Variants in SLC66A2 observed in about 807,000 individuals in gnomAD.
SLC66A2 encodes the protein solute carrier family 66 member 2, also known as PQ loop repeat containing 1.
SLC66A2 carries 23 observed loss-of-function variants against 25.5 expected under a neutral mutation model. That is an observed-to-expected ratio of 0.90 (90% confidence interval 0.65 to 1.28). The LOEUF is 1.28. SLC66A2 is among the 50% of genes most tolerant of loss of function. The probability of loss-of-function intolerance (pLI) is 0.00; values close to 1 mark genes in which losing one functional copy is unlikely to be tolerated. For synonymous variants in SLC66A2, 193 were observed against 166.5 expected, an observed-to-expected ratio of 1.16 and a Z score of -1.23; for missense variants, 396 against 373.1, an observed-to-expected ratio of 1.06 and a Z score of -0.51.
chr18:79,939,426 G>C (rs1382175755), intron 3 of SLC66A2, among the ~76,000 whole-genome samples: 1 of 152,150 alleles, frequency 6.6e-6, no homozygotes, highest in African/African-American at 2.4e-5. Flanking sequence ...CATAGCAAAA[G>C]AAACTATCAA....
At chr18:79,944,486 G>C (rs1394364492) in intron 2 of SLC66A2, 1 of 152,314 alleles carries the variant, frequency 6.6e-6, no homozygotes, top group Non-Finnish European at 1.5e-5. Flanking sequence ...AGCCTCTGCA[G>C]GGCAGAACCA....
intron 3 of SLC66A2, among the ~76,000 whole-genome samples, chr18:79,938,271 T>C (rs544715074): frequency 6.6e-6 from 1 of 152,286 alleles, no homozygotes; most frequent in South Asian, 2.1e-4. Context: ...CTTGAAATTC[T>C]CCATAATGCA....
intron 2 of SLC66A2, among the ~76,000 whole-genome samples, chr18:79,947,529 TC>T (rs2050966491): frequency 3.1e-5 from 1 of 32,326 alleles, no homozygotes; most frequent in African/African-American, 1.0e-4. Context: ...AGATTCGAAC[TC>T]CACCTCTGCT....
At chr18:79,908,387 G>T (rs1982445515) in intron 5 of SLC66A2, among the ~76,000 whole-genome samples, 1 of 151,694 alleles carries the variant, frequency 6.6e-6, no homozygotes, top group Non-Finnish European at 1.5e-5. Context: ...TGAAAAATGT[G>T]CCACTTCCTT....
chr18:79,929,201 C>G (rs1365576550), intron 4 of SLC66A2, among the ~76,000 whole-genome samples: 1 of 152,224 alleles, frequency 6.6e-6, no homozygotes, highest in Non-Finnish European at 1.5e-5. Context: ...GGGAACAGAA[C>G]CACCACCAAA....
At chr18:79,913,606 CGCACGCGCGCATG>C (rs576953130) in intron 5 of SLC66A2, among the ~76,000 whole-genome samples, 1 of 152,336 alleles carries the variant, frequency 6.6e-6, no homozygotes, top group South Asian at 2.1e-4. Context: ...TGTGCATGCG[CGCACGCGCGCATG>C]GAGGCAACTG....
intron 5 of SLC66A2, among the ~76,000 whole-genome samples, chr18:79,907,354 T>TTTG (rs1982280732): frequency 1.5e-4 from 1 of 6,890 alleles, no homozygotes; most frequent in Non-Finnish European, 1.1e-3. Flanking sequence ...TTTTTGGTTG[T>TTTG]TTTTTTTTTT....
At chr18:79,942,997 G>A (rs573856482) in intron 3 of SLC66A2, among the ~76,000 whole-genome samples, 30 of 152,296 alleles carry the variant, frequency 2.0e-4, no homozygotes, top group Admixed American at 1.4e-3. Context: ...ACCTGGTACC[G>A]TCTGACCTGA....
In SLC66A2 at chr18:79,927,868, C is replaced by T. The variant is rs527526955; in HGVS notation, c.391+6101G>A. ...AGACAGACAAGCGCTCACCGCCGCA[C>T]TGCCCTAACAGCTGCTGAGACACAT... On this transcript the variant is annotated intron_variant, in intron 4 of 5. Transcript: ENST00000397778. This position sits in a 1 kb window ranked among gnomAD's most constrained non-coding sequence, Gnocchi z 6.2. Among the ~76,000 whole-genome samples the T allele has an allele frequency of 7.2e-5, 11 of 152,372 alleles. No individual in the cohort carries two copies. The East Asian group carries it at 1.7e-3, about 24-fold the overall frequency.
chr18:79,906,260 C>T (rs1026764834), intron 5 of SLC66A2, among the ~76,000 whole-genome samples: 14 of 152,026 alleles, frequency 9.2e-5, no homozygotes, highest in African/African-American at 1.7e-4. Context: ...GTGTTAGCTC[C>T]GTTATTTCCT....
At chr18:79,916,104 GCAGTGCTCCCGTACC>G (rs1984027782) in intron 5 of SLC66A2, 3 of 153,556 alleles carry the variant, frequency 2.0e-5, no homozygotes, top group African/African-American at 1.0e-4. Flanking sequence ...TCTCATACCC[GCAGTGCTCCCGTACC>G]CTCCCATACC....
At chr18:79,944,727 T>C (rs983171601) in intron 2 of SLC66A2, 7 of 152,420 alleles carry the variant, frequency 4.6e-5, no homozygotes, top group African/African-American at 1.4e-4. Flanking sequence ...CATGTCAAAG[T>C]CAGGAGATCC....
intron 4 of SLC66A2, among the ~76,000 whole-genome samples, chr18:79,924,084 C>T (rs867545564): frequency 3.0e-4 from 46 of 151,124 alleles, no homozygotes; most frequent in Middle Eastern, 7.1e-3. Context: ...ACACGCCAAA[C>T]ACCCTCAATT....
intron 5 of SLC66A2, among the ~76,000 whole-genome samples, chr18:79,913,388 T>C (rs1390466951): frequency 6.6e-6 from 1 of 152,216 alleles, no homozygotes; most frequent in Non-Finnish European, 1.5e-5. Flanking sequence ...CAGTAAAAAC[T>C]GGAGGAAGAG....
Position 79,903,950 on chromosome 18 carries a change from G to A in SLC66A2, c.*26C>T, listed in dbSNP as rs565546193. On this transcript the variant is annotated 3_prime_UTR_variant, in exon 6 of 6. Transcript: ENST00000397778. The stretch of plus-strand genomic sequence containing the variant: ...GGCCCACCAGTGCCCGCGGCTGGCG[G>A]TCCCACATCCTCGTCCTCCCCACTG... 1.3e-6 allele frequency: 2 copies of A among 1,571,412 alleles called. No individual in the cohort carries two copies. The highest frequency in any genetic ancestry group is 1.7e-6 in the Non-Finnish European group (2 of 1,161,144).
rs1417990953 is a variant in SLC66A2 at position 79,940,371 on chromosome 18, G to A, written c.337+2958C>T. 6.6e-6 allele frequency among the ~76,000 whole-genome samples: 1 copy of A among 152,160 alleles called. No individual in the cohort carries two copies. Among genetic ancestry groups the A allele is most frequent in the East Asian group, 1.9e-4 (1 of 5,188 alleles). Reference sequence around the variant, plus strand: ...TAATGCCAGCACTTCGGGAGGCCAAGGTGGGTGGATCACTTGAGGTCAGGA... The same window carrying A: ...TAATGCCAGCACTTCGGGAGGCCAAAGTGGGTGGATCACTTGAGGTCAGGA... On this transcript the variant is annotated intron_variant, in intron 3 of 5. Coordinates refer to ENST00000397778, the MANE Select transcript of SLC66A2 (RefSeq NM_025078.5). The surrounding 1 kb of genome is among the most constrained non-coding windows in gnomAD (Gnocchi z 4.1).
intron 5 of SLC66A2, among the ~76,000 whole-genome samples, chr18:79,913,622 G>A (rs2123250495): frequency 6.6e-6 from 1 of 152,376 alleles, no homozygotes; most frequent in South Asian, 2.1e-4. Context: ...CGCGCATGGA[G>A]GCAACTGTGC....
chr18:79,907,201 C>A (rs1000915156), intron 5 of SLC66A2, among the ~76,000 whole-genome samples: 4 of 152,118 alleles, frequency 2.6e-5, no homozygotes, highest in African/African-American at 9.7e-5. Context: ...GAATTTAGAT[C>A]GACCATTTTA....
At chr18:79,926,530 C>T (rs1011121579) in intron 4 of SLC66A2, among the ~76,000 whole-genome samples, 5 of 152,084 alleles carry the variant, frequency 3.3e-5, no homozygotes, top group African/African-American at 9.7e-5. Flanking sequence ...ACTCGATGGG[C>T]GCTCGCAGGA....
Sources: allele counts gnomAD v4.1 joint callset (sites outside exome capture counted in the v4.1 genomes callset), GRCh38; gene constraint gnomAD v4.1.1; non-coding constraint Gnocchi (gnomAD v3.1); transcripts MANE v1.5; gene names NCBI Gene and HGNC (gene_info 2026-07-23, HGNC 2026-07-21).